Variants in PIK3AP1 observed in about 807,000 individuals in gnomAD.
The protein encoded by PIK3AP1 is phosphoinositide 3-kinase adapter protein 1.
In PIK3AP1, 21 loss-of-function variants were observed where a neutral mutation model predicts 88.1. That is an observed-to-expected ratio of 0.24 (90% confidence interval 0.17 to 0.34). The LOEUF is 0.34. Ranked by LOEUF, PIK3AP1 falls within the 10% of genes least tolerant of loss-of-function variation. The pLI is 1.00. For missense variants in PIK3AP1, 828 were observed against 1,035.7 expected, an observed-to-expected ratio of 0.80 and a Z score of 2.75; for synonymous variants, 398 against 400.0, an observed-to-expected ratio of 1.00 and a Z score of 0.06.
Position 96,629,930 on chromosome 10 carries a change from A to AAAAAAAAAGAAG in PIK3AP1, c.1376-1438_1376-1437insCTTCTTTTTTTT, listed in dbSNP as rs776780994. On this transcript the variant is annotated intron_variant, in intron 8 of 16. Transcript: ENST00000339364. ...CAACCAAAAAAAAAAAAAAAAAAAA[A>AAAAAAAAAGAAG]AAGAAGAAGAAGAAGAAGAAGAAGA... is the stretch of plus-strand genomic sequence containing the variant. Among the ~76,000 whole-genome samples the AAAAAAAAAGAAG allele has an allele frequency of 8.3e-3, 113 of 13,680 alleles. 17 individuals are homozygous for AAAAAAAAAGAAG. Among genetic ancestry groups the AAAAAAAAAGAAG allele is most frequent in the Non-Finnish European group, 0.011 (67 of 6,080 alleles). The allele number at this position is 13,680 out of a possible 152,430, so 9.0% of individuals were successfully genotyped here. A position where few individuals can be genotyped will look rare whatever the true frequency, so the allele number is the denominator to read the frequency against.
chr10:96,683,233 G>C (rs1457695571), intron 2 of PIK3AP1, among the ~76,000 whole-genome samples: 1 of 152,164 alleles, frequency 6.6e-6, no homozygotes, highest in Non-Finnish European at 1.5e-5. Context: ...AAAATTTCTG[G>C]AATTCACCTA....
Position 96,690,230 on chromosome 10 carries a change from G to A in PIK3AP1, c.430+19337C>T, listed in dbSNP as rs544562323. Among the ~76,000 whole-genome samples, 3 of 152,134 alleles carry A rather than the reference G, an allele frequency of 2.0e-5. No homozygotes were observed. In the South Asian group the frequency reaches 6.2e-4, roughly 32 times the overall value. ...GATTCTAACCAGTTGAGTATCCTTG[G>A]GCAGGTCATTTGTCAATGCTGAGCC... On this transcript the variant is annotated intron_variant, in intron 2 of 16. Transcript: ENST00000339364.
At chr10:96,607,536 A>G (rs1409340027) in intron 14 of PIK3AP1, among the ~76,000 whole-genome samples, 1 of 152,018 alleles carries the variant, frequency 6.6e-6, no homozygotes, top group Admixed American at 6.6e-5. Flanking sequence ...ACACCTTTGT[A>G]TGCTCCTGCC....
At chr10:96,672,707 T>C (rs945137851) in intron 2 of PIK3AP1, among the ~76,000 whole-genome samples, 1 of 152,112 alleles carries the variant, frequency 6.6e-6, no homozygotes, top group Non-Finnish European at 1.5e-5. Context: ...CCCACTCTTG[T>C]CCACCAATGA....
chr10:96,614,289 C>T (rs1304453344), intron 13 of PIK3AP1, among the ~76,000 whole-genome samples: 1 of 152,058 alleles, frequency 6.6e-6, no homozygotes, highest in Non-Finnish European at 1.5e-5. Context: ...TCCATCAAGG[C>T]TTCTATCTTT....
chr10:96,719,101 T>C (rs1844540301), intron 1 of PIK3AP1, among the ~76,000 whole-genome samples: 1 of 152,186 alleles, frequency 6.6e-6, no homozygotes, highest in Non-Finnish European at 1.5e-5. Flanking sequence ...TATTACCTGC[T>C]ATTACTAGGC....
intron 16 of PIK3AP1, among the ~76,000 whole-genome samples, chr10:96,596,356 T>C (rs959023401): frequency 6.6e-6 from 1 of 152,228 alleles, no homozygotes; most frequent in African/African-American, 2.4e-5. Flanking sequence ...GCCTCCTCAC[T>C]GGCCCTGATG....
At chr10:96,691,306 T>A (rs137959798) in intron 2 of PIK3AP1, among the ~76,000 whole-genome samples, 1 of 152,190 alleles carries the variant, frequency 6.6e-6, no homozygotes, top group African/African-American at 2.4e-5. Context: ...GGATGTTATA[T>A]CTTGCTATAT....
chr10:96,711,450 C>T (rs1188507986), intron 1 of PIK3AP1, among the ~76,000 whole-genome samples: 12 of 152,232 alleles, frequency 7.9e-5, no homozygotes. Flanking sequence ...GTCCATACAA[C>T]ACAACAGGGA....
At chr10:96,678,772 T>C (rs1018592097) in intron 2 of PIK3AP1, among the ~76,000 whole-genome samples, 1 of 152,172 alleles carries the variant, frequency 6.6e-6, no homozygotes, top group African/African-American at 2.4e-5. Context: ...TTCCTTTTCA[T>C]GATATTGTAG....
chr10:96,637,355 C>CACACACACAT, intron 8 of PIK3AP1, among the ~76,000 whole-genome samples: 1 of 149,772 alleles, frequency 6.7e-6, no homozygotes, highest in South Asian at 2.1e-4. Flanking sequence ...CACACACACA[C>CACACACACAT]ACTCTGTGAT....
chr10:96,642,333 G>C (rs758057137), intron 8 of PIK3AP1, among the ~76,000 whole-genome samples: 17 of 151,074 alleles, frequency 1.1e-4, no homozygotes, highest in Admixed American at 7.9e-4. Context: ...GGCTTAGGTA[G>C]GAGGATGGCT....
chr10:96,652,688 G>A lies in PIK3AP1; in HGVS notation c.712+10C>T. The A allele has an allele frequency of 6.2e-7, 1 of 1,613,888 alleles. No individual in the cohort carries two copies. The highest frequency in any genetic ancestry group is 1.1e-5 in the South Asian group (1 of 91,060). ...GCCCTATGTCATCACATTCACAGGG[G>A]ACTACTTACTGGGAGCCTTCACTGA... On this transcript the variant is annotated intron_variant, in intron 4 of 16. Transcript: ENST00000339364.
At chr10:96,715,254 A>T (rs1844487095) in intron 1 of PIK3AP1, among the ~76,000 whole-genome samples, 1 of 152,132 alleles carries the variant, frequency 6.6e-6, no homozygotes, top group African/African-American at 2.4e-5. Context: ...ACTGACCAGT[A>T]CTCCTCAAGA....
chr10:96,701,091 T>A (rs1489043065), intron 2 of PIK3AP1, among the ~76,000 whole-genome samples: 3 of 152,138 alleles, frequency 2.0e-5, no homozygotes, highest in Non-Finnish European at 2.9e-5. Flanking sequence ...TTTTTCAAAT[T>A]CATATTCCCA....
At chr10:96,637,314 T>TCA (rs55885337) in intron 8 of PIK3AP1, among the ~76,000 whole-genome samples, 18,596 of 127,756 alleles carry the variant, frequency 0.15, 1,205 homozygotes, top group Admixed American at 0.2. Flanking sequence ...AGATATACAA[T>TCA]CACACACACA....
intron 8 of PIK3AP1, among the ~76,000 whole-genome samples, chr10:96,639,861 T>A (rs1310066208): frequency 6.6e-6 from 1 of 152,226 alleles, no homozygotes; most frequent in East Asian, 1.9e-4. Context: ...AGTAATGTAG[T>A]CATTTTGCAT....
intron 1 of PIK3AP1, among the ~76,000 whole-genome samples, chr10:96,718,837 C>T (rs1464328001): frequency 6.6e-6 from 1 of 152,076 alleles, no homozygotes; most frequent in African/African-American, 2.4e-5. Flanking sequence ...ATTATCTGGC[C>T]TCATCTCCCT....
rs1308742123 is a variant in PIK3AP1, at chr10:96,628,413, G to T, written c.1456C>A (p.Arg486Ser). The T allele has an allele frequency of 1.2e-6, 2 of 1,610,498 alleles. No individual in the cohort carries two copies. Among genetic ancestry groups the T allele is most frequent in the Non-Finnish European group, 1.7e-6 (2 of 1,176,778 alleles). The change falls in exon 9 of 17, where the codon CGC (arginine) becomes AGC (serine). Residue 486 changes from arginine to serine, a missense_variant. Physicochemically the swap from Arg to Ser is moderately radical, Grantham distance 110. This residue lies in a region of PIK3AP1 where 610 missense variants were observed against 760.1 expected (regional missense o/e 0.80). Transcript: ENST00000339364. ...FSRATKDSMI[R>S]KFLEGNSMGM... is the part of the protein sequence containing the mutation. Reference sequence around the variant, plus strand: ...TATGACTTACCTTCTAAAAACTTGCGGATCATAGAGTCCTTAGTGGCCCGA... The same window carrying T: ...TATGACTTACCTTCTAAAAACTTGCTGATCATAGAGTCCTTAGTGGCCCGA...
Sources: gnomAD v4.1 joint callset for allele counts (sites outside exome capture counted in the v4.1 genomes callset) on GRCh38, gnomAD v4.1.1 for gene constraint, gnomAD v4.1.1 regional missense constraint, MANE v1.5 for transcripts, NCBI Gene and HGNC (gene_info 2026-07-23, HGNC 2026-07-21) for gene names.